Variants in CORIN observed in about 807,000 individuals in gnomAD.
The protein encoded by CORIN is atrial natriuretic peptide-converting enzyme.
Under a neutral mutation model 125.3 loss-of-function variants are expected in CORIN, and 117 were observed. The ratio of observed to expected loss-of-function variants is 0.93; its 90% CI spans 0.80 to 1.09. The LOEUF is 1.09. Among genes scored for constraint, CORIN ranks in the 50% least tolerant of loss-of-function variants. CORIN has a pLI of 0.00. For synonymous variants in CORIN, 450 were observed against 466.4 expected (o/e 0.96, Z 0.45); for missense variants, 1,253 against 1,306.7 (o/e 0.96, Z 0.63).
chr4:47,596,679 TATC>T (rs1721262197), intron 21 of CORIN, among the ~76,000 whole-genome samples: 1 of 152,188 alleles, frequency 6.6e-6, no homozygotes. Flanking sequence ...GAAGAGCTGA[TATC>T]ATGGAAAATA....
chr4:47,685,732 T>C (rs1725481160), intron 6 of CORIN, among the ~76,000 whole-genome samples: 1 of 152,140 alleles, frequency 6.6e-6, no homozygotes, highest in Non-Finnish European at 1.5e-5. Context: ...TTCTTAAGTA[T>C]ATTTTTATTT....
intron 19 of CORIN, among the ~76,000 whole-genome samples, chr4:47,616,373 A>G (rs1319056821): frequency 1.3e-5 from 2 of 152,120 alleles, no homozygotes; most frequent in Non-Finnish European, 2.9e-5. Context: ...AAACCATGTG[A>G]TGAGATGAGT....
chr4:47,752,881 T>C (rs1047826647), intron 4 of CORIN, among the ~76,000 whole-genome samples: 1 of 152,170 alleles, frequency 6.6e-6, no homozygotes, highest in Non-Finnish European at 1.5e-5. Flanking sequence ...AAATGTGCAA[T>C]TGTTGAATTA....
At chr4:47,672,199 G>A (rs945015807) in intron 10 of CORIN, among the ~76,000 whole-genome samples, 13 of 152,100 alleles carry the variant, frequency 8.5e-5, no homozygotes, top group South Asian at 2.1e-4. Context: ...AAAGCCCAGC[G>A]CCCATCCCGA....
Position 47,618,676 on chromosome 4 carries a change from G to A in CORIN, c.2540+4895C>T, listed in dbSNP as rs1171310892. ...TTACTAAAAATACAAAAAATTAGCC[G>A]GGCATGGTGGTGGGCACCTGCAGTC... On this transcript the variant is annotated intron_variant, in intron 19 of 21. Coordinates refer to ENST00000273857, the MANE Select transcript of CORIN (RefSeq NM_006587.4). Among the ~76,000 whole-genome samples the A allele has an allele frequency of 5.9e-5, 9 of 151,826 alleles. No homozygotes were observed. The East Asian group carries it at 1.6e-3, about 26-fold the overall frequency.
At chr4:47,623,096 C>CTCTCTCTCTCTCTCTCTCTCTA (rs771867590) in intron 19 of CORIN, among the ~76,000 whole-genome samples, 2 of 102,306 alleles carry the variant, frequency 2.0e-5, no homozygotes, top group African/African-American at 8.6e-5. Flanking sequence ...CTCTCTCTCT[C>CTCTCTCTCTCTCTCTCTCTCTA]TATATATATA....
chr4:47,766,325 C>G (rs1391616520), intron 3 of CORIN, among the ~76,000 whole-genome samples: 1 of 152,114 alleles, frequency 6.6e-6, no homozygotes, highest in African/African-American at 2.4e-5. Flanking sequence ...TTTATGTAGC[C>G]CTAACTTCAT....
intron 2 of CORIN, among the ~76,000 whole-genome samples, chr4:47,800,299 TAAG>T (rs1731484734): frequency 6.6e-6 from 1 of 151,962 alleles, no homozygotes; most frequent in South Asian, 2.1e-4. Context: ...ATTAAATTAA[TAAG>T]AATAACCCAC....
intron 7 of CORIN, 109 bp downstream of exon 7, chr4:47,683,621 AT>A (rs1725383809): frequency 1.4e-6 from 1 of 733,566 alleles, no homozygotes. Flanking sequence ...GAAACCAATC[AT>A]TTTGTAATTT....
intron 5 of CORIN, among the ~76,000 whole-genome samples, chr4:47,706,196 CCT>C (rs1277932519): frequency 6.6e-6 from 1 of 152,038 alleles, no homozygotes. Context: ...ATTACAAATC[CCT>C]GTTAGAATTT....
At chr4:47,829,176 A>G (rs1732869062) in intron 1 of CORIN, among the ~76,000 whole-genome samples, 1 of 151,460 alleles carries the variant, frequency 6.6e-6, no homozygotes, top group East Asian at 1.9e-4. Flanking sequence ...AAAAAAAAAA[A>G]AAAAAAAAAG....
intron 3 of CORIN, among the ~76,000 whole-genome samples, chr4:47,783,222 A>G (rs1243969475): frequency 6.6e-6 from 1 of 152,134 alleles, no homozygotes; most frequent in East Asian, 1.9e-4. Context: ...TGGTGAAAAT[A>G]AAAACCCAGA....
At chr4:47,680,079 A>G in intron 8 of CORIN, 62 bp downstream of exon 8, 1 of 1,037,588 alleles carries the variant, frequency 9.6e-7, no homozygotes, top group Non-Finnish European at 1.5e-6. Context: ...CTCAACCTTG[A>G]GTACAGCCTA....
At chr4:47,831,561 C>T (rs1733000527) in intron 1 of CORIN, 1 of 152,248 alleles carries the variant, frequency 6.6e-6, no homozygotes, top group Non-Finnish European at 1.5e-5. Flanking sequence ...ATTAGCAGAA[C>T]ATAATCTCCC....
intron 19 of CORIN, 78 bp downstream of exon 19, chr4:47,623,493 T>A (rs983083810): frequency 2.0e-6 from 3 of 1,472,930 alleles, no homozygotes; most frequent in Non-Finnish European, 2.8e-6. Flanking sequence ...CTTCATGGAG[T>A]TACATATGCC....
intron 11 of CORIN, among the ~76,000 whole-genome samples, chr4:47,662,853 C>T (rs1180101588): frequency 2.6e-5 from 4 of 152,096 alleles, no homozygotes; most frequent in African/African-American, 9.7e-5. Context: ...AAAGTTCTGT[C>T]TAGGTTTAAG....
intron 12 of CORIN, among the ~76,000 whole-genome samples, chr4:47,660,211 AT>A (rs1411941743): frequency 6.6e-6 from 1 of 152,240 alleles, no homozygotes; most frequent in Non-Finnish European, 1.5e-5. Flanking sequence ...ACTTAAACCT[AT>A]GACTTCAAAC....
chr4:47,644,331 G>A (rs148857138), intron 14 of CORIN, among the ~76,000 whole-genome samples: 1 of 152,278 alleles, frequency 6.6e-6, no homozygotes, highest in Non-Finnish European at 1.5e-5. Flanking sequence ...AGTTGAAGCT[G>A]AACTGAAAAA....
intron 3 of CORIN, among the ~76,000 whole-genome samples, chr4:47,786,473 G>A (rs991052641): frequency 6.6e-6 from 1 of 152,060 alleles, no homozygotes; most frequent in African/African-American, 2.4e-5. Flanking sequence ...CCTGGGAGGC[G>A]GAGGTTGCAG....
Sources: allele counts gnomAD v4.1 joint callset (sites outside exome capture counted in the v4.1 genomes callset), GRCh38; gene constraint gnomAD v4.1.1; transcripts MANE v1.5; gene names NCBI Gene and HGNC (gene_info 2026-07-23, HGNC 2026-07-21).